OSBPL10: variants seen among roughly 807,000 people sequenced by gnomAD.
The protein encoded by OSBPL10 is oxysterol-binding protein-related protein 10.
Under a neutral mutation model 81.7 loss-of-function variants are expected in OSBPL10, and 49 were observed. The ratio of observed to expected loss-of-function variants is 0.60; its 90% CI spans 0.48 to 0.76. OSBPL10 has a LOEUF of 0.76. Among genes scored for constraint, OSBPL10 ranks in the 30% least tolerant of loss-of-function variants. The probability of loss-of-function intolerance (pLI) is 0.00; values close to 1 mark genes in which losing one functional copy is unlikely to be tolerated. For synonymous variants in OSBPL10, 419 were observed against 383.6 expected (o/e 1.09, Z -1.08); for missense variants, 923 against 987.8 (o/e 0.93, Z 0.88).
At chr3:31,899,596 G>A (rs557277987) in intron 1 of OSBPL10, among the ~76,000 whole-genome samples, 3 of 152,280 alleles carry the variant, frequency 2.0e-5, no homozygotes, top group South Asian at 2.1e-4. Flanking sequence ...TTGAGAGGCC[G>A]AGGTGAGAGA....
chr3:31,941,201 A>C (rs1327643376), intron 1 of OSBPL10, among the ~76,000 whole-genome samples: 1 of 152,224 alleles, frequency 6.6e-6, no homozygotes, highest in Non-Finnish European at 1.5e-5. Flanking sequence ...TTTATATTTA[A>C]TACTTCAGTA....
intron 1 of OSBPL10, among the ~76,000 whole-genome samples, chr3:31,882,076 G>A (rs950497092): frequency 3.3e-5 from 5 of 152,182 alleles, no homozygotes; most frequent in Non-Finnish European, 5.9e-5. Flanking sequence ...CAGAGATAAT[G>A]AAGCTGAAAG....
At chr3:31,799,933 C>A (rs1364645043) in intron 4 of OSBPL10, among the ~76,000 whole-genome samples, 1 of 152,202 alleles carries the variant, frequency 6.6e-6, no homozygotes, top group East Asian at 1.9e-4. Flanking sequence ...TGGTCTCGAA[C>A]TCCTGACCTC....
chr3:31,679,578 G>A (rs923635329), intron 8 of OSBPL10, among the ~76,000 whole-genome samples: 8 of 152,146 alleles, frequency 5.3e-5, no homozygotes, highest in East Asian at 1.9e-4. Context: ...GAATTATCTC[G>A]CATATGGGGC....
At chr3:32,055,039 C>A (rs2125436817) in intron 1 of OSBPL10, among the ~76,000 whole-genome samples, 1 of 152,206 alleles carries the variant, frequency 6.6e-6, no homozygotes, top group East Asian at 1.9e-4. Context: ...TCATGAAGAG[C>A]TGAAATGTTC....
chr3:31,880,979 C>T (rs1299891461), intron 1 of OSBPL10, among the ~76,000 whole-genome samples: 1 of 152,188 alleles, frequency 6.6e-6, no homozygotes, highest in Non-Finnish European at 1.5e-5. Flanking sequence ...GAAGCAGGTC[C>T]TTCACCATAG....
At chr3:31,886,572 A>G (rs1018904529) in intron 1 of OSBPL10, among the ~76,000 whole-genome samples, 2 of 152,204 alleles carry the variant, frequency 1.3e-5, no homozygotes, top group African/African-American at 4.8e-5. Flanking sequence ...GGACTGCATG[A>G]ACGGGGCCTG....
At chr3:32,027,250 A>C (rs938809564) in intron 2 of OSBPL10, among the ~76,000 whole-genome samples, 2 of 152,102 alleles carry the variant, frequency 1.3e-5, no homozygotes, top group Non-Finnish European at 2.9e-5. Context: ...TCACTGTTCA[A>C]CTCCCACTTA....
intron 1 of OSBPL10, among the ~76,000 whole-genome samples, chr3:31,963,045 T>C (rs1020398673): frequency 3.9e-5 from 6 of 152,206 alleles, no homozygotes; most frequent in African/African-American, 1.4e-4. Flanking sequence ...TCTGTTTTTT[T>C]AAATGTGTAC....
At chr3:32,004,755 G>A (rs9875324) in intron 2 of OSBPL10, among the ~76,000 whole-genome samples, 4,592 of 152,228 alleles carry the variant, frequency 0.03, 248 homozygotes, top group African/African-American at 0.11. Flanking sequence ...AGACACATGC[G>A]CAGTTATTTG....
Position 32,065,937 on chromosome 3 carries a change from GAAGAAAGAAGAAAGAAAGA to G in OSBPL10, n.185+11440_185+11458del, listed in dbSNP as rs1469511409. On this transcript the variant is annotated intron_variant and non_coding_transcript_variant, in intron 1 of 3. Coordinates refer to the OSBPL10 transcript ENST00000479173. ...AAGAAGGAAGAAAGAAAGAAGGAAA[GAAGAAAGAAGAAAGAAAGA>G]AAGAAAGAAAGAAAGAAAGAAAGAA... is the stretch of plus-strand genomic sequence containing the variant. Among the ~76,000 whole-genome samples the G allele has an allele frequency of 1.3e-4, 7 of 52,678 alleles. 2 individuals are homozygous for G. Among genetic ancestry groups the G allele is most frequent in the Non-Finnish European group, 2.5e-4 (5 of 19,794 alleles). 34.6% of individuals were successfully genotyped at this position (52,678 alleles called of 152,430 possible). A position where few individuals can be genotyped will look rare whatever the true frequency, so the allele number is the denominator to read the frequency against.
upstream of OSBPL10, among the ~76,000 whole-genome samples, chr3:31,985,248 T>C (rs941745827): frequency 2.0e-5 from 3 of 152,130 alleles, no homozygotes; most frequent in African/African-American, 7.2e-5. Context: ...CAAAAAATGT[T>C]TTAAAAATAC....
chr3:31,880,907 C>T (rs532727469), intron 1 of OSBPL10, among the ~76,000 whole-genome samples: 3 of 152,328 alleles, frequency 2.0e-5, no homozygotes, highest in African/African-American at 4.8e-5. Flanking sequence ...GTCAAACACA[C>T]GTGGTCCACA....
chr3:31,997,421 C>T (rs371397009), intron 2 of OSBPL10, among the ~76,000 whole-genome samples: 4 of 151,970 alleles, frequency 2.6e-5, no homozygotes, highest in African/African-American at 9.6e-5. Context: ...CGAGCCACCA[C>T]ACCCAGCTAA....
chr3:31,997,533 G>C (rs1699102167), intron 2 of OSBPL10, among the ~76,000 whole-genome samples: 1 of 151,886 alleles, frequency 6.6e-6, no homozygotes, highest in Admixed American at 6.6e-5. Context: ...AAAATGCTGG[G>C]ATTACAGCCA....
intron 1 of OSBPL10, among the ~76,000 whole-genome samples, chr3:31,967,508 A>C (rs905153432): frequency 3.0e-4 from 46 of 152,146 alleles, no homozygotes; most frequent in African/African-American, 1.0e-3. Flanking sequence ...AGTTGCTTAT[A>C]AATGGTAATT....
intron 11 of OSBPL10, chr3:31,663,751 AT>A (rs1286239035): frequency 8.4e-7 from 1 of 1,188,430 alleles, no homozygotes; most frequent in African/African-American, 1.6e-5. Context: ...TGCCATGATG[AT>A]TTTCTTTTTA....
chr3:31,894,209 G>GT (rs1695990600), intron 1 of OSBPL10, among the ~76,000 whole-genome samples: 1 of 152,142 alleles, frequency 6.6e-6, no homozygotes, highest in African/African-American at 2.4e-5. Flanking sequence ...AGGAGCGGTC[G>GT]GAGTTGGAGA....
At chr3:32,003,799 G>A (rs1306827724) in intron 2 of OSBPL10, among the ~76,000 whole-genome samples, 1 of 152,150 alleles carries the variant, frequency 6.6e-6, no homozygotes, top group Admixed American at 6.5e-5. Flanking sequence ...AGCTGCCAAG[G>A]CTGTCCCTGG....
Sources: allele counts gnomAD v4.1 joint callset (sites outside exome capture counted in the v4.1 genomes callset), GRCh38; gene constraint gnomAD v4.1.1; transcripts MANE v1.5; gene names NCBI Gene and HGNC (gene_info 2026-07-23, HGNC 2026-07-21).